CCDC171: variants seen among roughly 807,000 people sequenced by gnomAD.
The protein encoded by CCDC171 is coiled-coil domain-containing protein 171.
A neutral mutation model predicts 168.2 loss-of-function variants in CCDC171; 177 were observed. That is an observed-to-expected ratio of 1.05 (90% CI 0.93 to 1.19). The LOEUF (loss-of-function observed/expected upper bound fraction) is 1.19, where lower values mean the gene tolerates loss of function less well. CCDC171 is among the 50% of genes most tolerant of loss of function. The pLI, the probability that CCDC171 is intolerant of heterozygous loss-of-function variation, is 0.00. For missense variants in CCDC171, 1,991 were observed against 1,539.0 expected, an observed-to-expected ratio of 1.29 and a Z score of -4.91; for synonymous variants, 687 against 540.8, an observed-to-expected ratio of 1.27 and a Z score of -3.75.
At chr9:15,849,554 A>T (rs976471340) in intron 23 of CCDC171, among the ~76,000 whole-genome samples, 1 of 151,714 alleles carries the variant, frequency 6.6e-6, no homozygotes, top group African/African-American at 2.4e-5. Flanking sequence ...TAGTAAAAAC[A>T]TAATATATTT....
rs190073932 is a variant in CCDC171 at position 15,834,210 on chromosome 9, T to A, written c.3268-12492T>A. Among the ~76,000 whole-genome samples, 427 of 152,304 alleles carry A rather than the reference T, an allele frequency of 2.8e-3. 3 individuals are homozygous for A. Among genetic ancestry groups the A allele is most frequent in the Non-Finnish European group, 4.7e-3 (320 of 67,994 alleles). On this transcript the variant is annotated intron_variant, in intron 21 of 25. Transcript: ENST00000380701. ...GTTTCAGAAATATTTAATTTAATTGTCATCAATCATAGTAACCAACCTTAG... is the reference window on the plus strand; with the variant it reads ...GTTTCAGAAATATTTAATTTAATTGACATCAATCATAGTAACCAACCTTAG...
chr9:15,728,241 T>C (rs1203659089), intron 15 of CCDC171, among the ~76,000 whole-genome samples: 2 of 152,106 alleles, frequency 1.3e-5, no homozygotes, highest in Non-Finnish European at 2.9e-5. Flanking sequence ...CTGTATGAAG[T>C]CTCTAAGCTC....
At chr9:15,631,542 C>A (rs534594273) in intron 7 of CCDC171, among the ~76,000 whole-genome samples, 1 of 152,050 alleles carries the variant, frequency 6.6e-6, no homozygotes, top group Admixed American at 6.6e-5. Flanking sequence ...AGCTTACCAA[C>A]CAAAAAGTCC....
chr9:15,773,987 T>G (rs1264537200), intron 18 of CCDC171, among the ~76,000 whole-genome samples: 1 of 152,148 alleles, frequency 6.6e-6, no homozygotes, highest in Non-Finnish European at 1.5e-5. Flanking sequence ...GGCTCACGCC[T>G]GTAATCCCAG....
chr9:15,846,801 G>T lies in CCDC171; in HGVS notation c.3367G>T (p.Glu1123Ter). The stretch of plus-strand genomic sequence containing the variant: ...GCTGGAGCAGGACAAGCGTCGACTG[G>T]AGGAGAACATCCATGATGCAGAGAG... Reference protein sequence around the residue: ...TQLEQDKRRLEENIHDAESAL... With the variant: ...TQLEQDKRRL The change falls in exon 22 of 26, where the codon GAG becomes TAG. Residue 1123 changes from glutamate to a stop codon, truncating the protein, a stop_gained. Transcript: ENST00000380701. LOFTEE classifies it high-confidence loss of function. 1 of 1,611,278 alleles carries T rather than the reference G, an allele frequency of 6.2e-7. No homozygotes were observed. The highest frequency in any genetic ancestry group is 8.5e-7 in the Non-Finnish European group (1 of 1,178,570).
At chr9:16,086,253 A>G in the CCDC171 span, among the ~76,000 whole-genome samples, 1 of 151,594 alleles carries the variant, frequency 6.6e-6, no homozygotes, top group Non-Finnish European at 1.5e-5. Flanking sequence ...AGGTATTTAT[A>G]GTATTCTCTG....
chr9:16,102,491 G>C, the CCDC171 span, among the ~76,000 whole-genome samples: 3 of 147,590 alleles, frequency 2.0e-5, no homozygotes, highest in Non-Finnish European at 4.4e-5. Context: ...CGTGTGTTGG[G>C]GGGGGGCGGG....
intron 10 of CCDC171, among the ~76,000 whole-genome samples, chr9:15,685,925 A>G (rs1318053223): frequency 2.0e-5 from 3 of 152,162 alleles, no homozygotes; most frequent in Non-Finnish European, 2.9e-5. Context: ...AGGTAGATGA[A>G]CATTAGCTTC....
chr9:15,999,303 G>A, intron 3 of CCDC171, among the ~76,000 whole-genome samples: 1 of 148,790 alleles, frequency 6.7e-6, no homozygotes. Context: ...GGGAAGGAAG[G>A]AAGGAAAAAG....
intron 23 of CCDC171, among the ~76,000 whole-genome samples, chr9:15,860,335 C>T (rs1081245): frequency 0.39 from 58,972 of 151,104 alleles, 11,723 homozygotes; most frequent in African/African-American, 0.43. Flanking sequence ...TCTTCTCGTT[C>T]GTTGAGGTGC....
chr9:15,820,584 C>A (rs1438283911), intron 21 of CCDC171, among the ~76,000 whole-genome samples: 1 of 117,846 alleles, frequency 8.5e-6, no homozygotes, highest in Non-Finnish European at 1.9e-5. Context: ...ACTAGAAAAT[C>A]TAGAAGAAAT....
chr9:15,561,410 A>G (rs1206529911), intron 1 of CCDC171, among the ~76,000 whole-genome samples: 2 of 152,196 alleles, frequency 1.3e-5, no homozygotes, highest in South Asian at 4.1e-4. Context: ...TTTTGATTGC[A>G]TGTCATGAGG....
At chr9:15,965,258 A>T (rs952360629) in intron 25 of CCDC171, among the ~76,000 whole-genome samples, 23 of 152,164 alleles carry the variant, frequency 1.5e-4, no homozygotes, top group African/African-American at 5.6e-4. Flanking sequence ...AAATATAAAC[A>T]TTTCTTTTAG....
intron 1 of CCDC171, among the ~76,000 whole-genome samples, chr9:15,563,017 A>G (rs1302149354): frequency 6.6e-6 from 1 of 152,154 alleles, no homozygotes; most frequent in African/African-American, 2.4e-5. Flanking sequence ...CTCACGTAAG[A>G]TAACTTATAG....
At chr9:15,670,638 C>T (rs2049045015) in intron 9 of CCDC171, among the ~76,000 whole-genome samples, 2 of 152,172 alleles carry the variant, frequency 1.3e-5, no homozygotes, top group Admixed American at 1.3e-4. Context: ...CACTCCTTCC[C>T]TCTTCCCATC....
intron 25 of CCDC171, among the ~76,000 whole-genome samples, chr9:15,954,715 A>G (rs146486173): frequency 6.6e-6 from 1 of 150,602 alleles, no homozygotes; most frequent in Non-Finnish European, 1.5e-5. Flanking sequence ...ACTGTAGTGA[A>G]TTTTTCATTT....
chr9:15,670,255 A>T (rs2049019293), intron 9 of CCDC171, among the ~76,000 whole-genome samples: 1 of 152,206 alleles, frequency 6.6e-6, no homozygotes, highest in African/African-American at 2.4e-5. Context: ...TATTTATAAA[A>T]TAGTACCAAA....
At chr9:15,750,132 G>A (rs1031522739) in intron 18 of CCDC171, among the ~76,000 whole-genome samples, 8 of 151,574 alleles carry the variant, frequency 5.3e-5, no homozygotes, top group Admixed American at 2.6e-4. Flanking sequence ...AATGACAAAG[G>A]GGATATCACC....
rs1460978555 is a variant in CCDC171, at chr9:15,973,749, A to G, written c.*1913A>G. The G allele has an allele frequency of 6.6e-6, 1 of 152,066 alleles. No homozygotes were observed. Among genetic ancestry groups the G allele is most frequent in the Non-Finnish European group, 1.5e-5 (1 of 68,016 alleles). The allele number at this position is 152,066 out of a possible 1,614,324, so 9.4% of individuals were successfully genotyped here. A position where few individuals can be genotyped will look rare whatever the true frequency, so the allele number is the denominator to read the frequency against. On this transcript the variant is annotated 3_prime_UTR_variant, in exon 26 of 26. Coordinates refer to ENST00000380701, the MANE Select transcript of CCDC171 (RefSeq NM_173550.4). Reference sequence around the variant, plus strand: ...ACACCTTTCTCTGCTGTTCCAAACAATGATTAGGATATTGTTCATACAGAA... The same window carrying G: ...ACACCTTTCTCTGCTGTTCCAAACAGTGATTAGGATATTGTTCATACAGAA...
Sources: gnomAD v4.1 joint callset for allele counts (sites outside exome capture counted in the v4.1 genomes callset) on GRCh38, gnomAD v4.1.1 for gene constraint, MANE v1.5 for transcripts, NCBI Gene and HGNC (gene_info 2026-07-23, HGNC 2026-07-21) for gene names.